Variants in TSHZ3 observed in about 807,000 individuals in gnomAD.
TSHZ3 encodes teashirt homolog 3.
Under a neutral mutation model 64.5 loss-of-function variants are expected in TSHZ3, and 10 were observed. The ratio of observed to expected loss-of-function variants is 0.16; its 90% CI spans 0.10 to 0.26. The LOEUF is 0.26. TSHZ3 is among the 10% of genes least tolerant of loss of function. The pLI, the probability that TSHZ3 is intolerant of heterozygous loss-of-function variation, is 1.00. For synonymous variants in TSHZ3, 608 were observed against 593.1 expected, an observed-to-expected ratio of 1.03 and a Z score of -0.36; for missense variants, 1,242 against 1,421.7, an observed-to-expected ratio of 0.87 and a Z score of 2.03.
chr19:31,329,155 T>C (rs1400715617), intron 1 of TSHZ3, among the ~76,000 whole-genome samples: 1 of 152,234 alleles, frequency 6.6e-6, no homozygotes, highest in African/African-American at 2.4e-5. Context: ...GACAAAGATA[T>C]GGAAAATGTG....
intron 1 of TSHZ3, among the ~76,000 whole-genome samples, chr19:31,259,609 C>T (rs1172548023): frequency 6.6e-6 from 1 of 151,720 alleles, no homozygotes; most frequent in African/African-American, 2.4e-5. Context: ...TGGGAGCTCA[C>T]CTGTCCCTGG....
chr19:31,245,263 A>T (rs1975745917), intron 1 of TSHZ3, among the ~76,000 whole-genome samples: 1 of 152,174 alleles, frequency 6.6e-6, no homozygotes, highest in Non-Finnish European at 1.5e-5. Context: ...AAGTAGGAGA[A>T]AGCTGAAAAA....
chr19:31,177,774 C>G (rs1974634024), intron 5 of TSHZ3, among the ~76,000 whole-genome samples: 1 of 152,158 alleles, frequency 6.6e-6, no homozygotes, highest in African/African-American at 2.4e-5. Context: ...CATCTCAGGG[C>G]AGGAATATTC....
intron 5 of TSHZ3, among the ~76,000 whole-genome samples, chr19:31,178,932 T>C (rs1568338580): frequency 6.6e-6 from 1 of 152,166 alleles, no homozygotes; most frequent in Non-Finnish European, 1.5e-5. Context: ...AATGTGCACC[T>C]GTGCCTCTGG....
At chr19:31,234,074 C>G (rs1975576474) in intron 3 of TSHZ3, among the ~76,000 whole-genome samples, 1 of 152,080 alleles carries the variant, frequency 6.6e-6, no homozygotes, top group Non-Finnish European at 1.5e-5. Flanking sequence ...TAATTTAGCT[C>G]TTCCTTAATT....
chr19:31,217,948 G>T (rs1334063919), intron 4 of TSHZ3, among the ~76,000 whole-genome samples: 2 of 152,158 alleles, frequency 1.3e-5, no homozygotes, highest in Admixed American at 6.5e-5. Flanking sequence ...TAAACTCCTT[G>T]AAGATAACAT....
In TSHZ3 at chr19:31,279,226, G is replaced by A; in HGVS notation, c.567C>T (p.Ser189=). 1.2e-6 allele frequency: 2 copies of A among 1,614,182 alleles called. No individual in the cohort carries two copies. The highest frequency in any genetic ancestry group is 2.2e-5 in the East Asian group (1 of 44,872). Residue 189 remains serine, a synonymous_variant, in exon 2 of 2, where the codon AGC becomes AGT. Transcript: ENST00000240587. The surrounding 1 kb of genome is among the most constrained non-coding windows in gnomAD (Gnocchi z 6.4). The stretch of plus-strand genomic sequence containing the variant: ...GGTACAGCTGCACGGTGCTGAAGAG[G>A]CTGGGCTCCGGGAGCATGCGGCTCT... ...VSQSRMLPEP[S]LFSTVQLYRQ...
intron 5 of TSHZ3, among the ~76,000 whole-genome samples, chr19:31,160,132 G>A (rs1253985693): frequency 1.3e-5 from 2 of 152,140 alleles, no homozygotes; most frequent in Admixed American, 6.5e-5. Context: ...TATTAACCCC[G>A]AGACAGGTAC....
chr19:31,278,418 G>T lies in TSHZ3; in HGVS notation c.1375C>A (p.Pro459Thr), dbSNP rs368671140. 3.3e-5 allele frequency: 54 copies of T among 1,614,042 alleles called. No individual in the cohort carries two copies. In the African/African-American group the frequency reaches 6.8e-4, roughly 20 times the overall value. The part of the protein sequence containing the change: ...ATTFTSPSNT[P>T]ASISPKLNVE... ...TTCAGTTTTGGGGAGATGCTGGCAG[G>T]TGTATTGGAGGGGGACGTGAAGGTG... The change falls in exon 2 of 2, where the codon CCT (proline) becomes ACT (threonine). Residue 459 changes from proline to threonine, a missense_variant. Pro to Thr is a conservative substitution (Grantham distance 38). Transcript: ENST00000240587. This position sits in a 1 kb window ranked among gnomAD's most constrained non-coding sequence, Gnocchi z 4.7.
chr19:31,168,980 C>T (rs925153947), intron 5 of TSHZ3, among the ~76,000 whole-genome samples: 1 of 152,066 alleles, frequency 6.6e-6, no homozygotes, highest in African/African-American at 2.4e-5. Context: ...GCGAAGAAGA[C>T]ATATTGAAAA....
chr19:31,313,597 T>C (rs1916520338), intron 1 of TSHZ3, among the ~76,000 whole-genome samples: 1 of 152,088 alleles, frequency 6.6e-6, no homozygotes, highest in South Asian at 2.1e-4. Flanking sequence ...TCTGTGAGGG[T>C]GAGGCCCATC....
downstream of TSHZ3, among the ~76,000 whole-genome samples, chr19:31,272,070 TA>T (rs200030401): frequency 3.3e-5 from 5 of 152,208 alleles, no homozygotes; most frequent in Non-Finnish European, 7.3e-5. Context: ...TGGATTTATT[TA>T]AAAAAATTTT....
chr19:31,168,256 C>G (rs1282098952), intron 5 of TSHZ3, among the ~76,000 whole-genome samples: 1 of 151,974 alleles, frequency 6.6e-6, no homozygotes, highest in African/African-American at 2.4e-5. Context: ...GATATGAATA[C>G]GCGTACGCAC....
chr19:31,323,016 C>T (rs911502544), intron 1 of TSHZ3, among the ~76,000 whole-genome samples: 1 of 152,078 alleles, frequency 6.6e-6, no homozygotes, highest in Non-Finnish European at 1.5e-5. Context: ...TTTTATTTTC[C>T]CTTTATAATG....
chr19:31,331,867 C>T (rs954474177), intron 1 of TSHZ3, among the ~76,000 whole-genome samples: 7 of 152,184 alleles, frequency 4.6e-5, no homozygotes, highest in Admixed American at 6.5e-5. Flanking sequence ...GGCTGGGCCC[C>T]AGCCAAGCCT....
intron 5 of TSHZ3, among the ~76,000 whole-genome samples, chr19:31,192,536 T>C (rs1330852181): frequency 6.6e-6 from 1 of 152,238 alleles, no homozygotes; most frequent in Non-Finnish European, 1.5e-5. Context: ...TTTCACTATG[T>C]TTACTTATAT....
chr19:31,342,742 G>A (rs1917474259), intron 1 of TSHZ3, among the ~76,000 whole-genome samples: 1 of 152,184 alleles, frequency 6.6e-6, no homozygotes, highest in Admixed American at 6.5e-5. Flanking sequence ...CATTAAGGAT[G>A]GGTTCCACTT....
At chr19:31,227,711 G>C (rs1349447882) in intron 4 of TSHZ3, among the ~76,000 whole-genome samples, 2 of 151,936 alleles carry the variant, frequency 1.3e-5, no homozygotes, top group African/African-American at 2.4e-5. Context: ...TTGGAGGTAG[G>C]TTTCTCTCAC....
In TSHZ3 at chr19:31,248,128, G is replaced by A. The variant is rs559467502; in HGVS notation, n.64-5253C>T. 5.3e-5 allele frequency among the ~76,000 whole-genome samples: 8 copies of A among 152,174 alleles called. No homozygotes were observed. In the East Asian group the frequency reaches 1.6e-3, roughly 30 times the overall value. ...ACTCACTACCACGAGAACAGTATGG[G>A]GGAAACCTCCTGCACGATTCACTTA... On this transcript the variant is annotated intron_variant and non_coding_transcript_variant, in intron 1 of 6. Transcript: ENST00000651361.
Sources: allele counts gnomAD v4.1 joint callset (sites outside exome capture counted in the v4.1 genomes callset), GRCh38; gene constraint gnomAD v4.1.1; non-coding constraint Gnocchi (gnomAD v3.1); transcripts MANE v1.5; gene names NCBI Gene and HGNC (gene_info 2026-07-23, HGNC 2026-07-21).